AUTS2: variants seen among roughly 807,000 people sequenced by gnomAD.
The protein encoded by AUTS2 is autism susceptibility gene 2 protein.
AUTS2 carries 17 observed loss-of-function variants against 112.4 expected under a neutral mutation model. That is an observed-to-expected ratio of 0.15 (90% CI 0.10 to 0.23). AUTS2 has a LOEUF of 0.23. Ranked by LOEUF, AUTS2 falls within the 10% of genes least tolerant of loss-of-function variation. AUTS2 has a pLI of 1.00. For synonymous variants in AUTS2, 751 were observed against 702.7 expected, an observed-to-expected ratio of 1.07 and a Z score of -1.09; for missense variants, 1,510 against 1,701.6, an observed-to-expected ratio of 0.89 and a Z score of 1.98.
chr7:70,034,396 T>C (rs1424501901), intron 2 of AUTS2, among the ~76,000 whole-genome samples: 1 of 152,094 alleles, frequency 6.6e-6, no homozygotes, highest in African/African-American at 2.4e-5. Context: ...ACCTATTGCA[T>C]TGCACCTACT....
intron 4 of AUTS2, among the ~76,000 whole-genome samples, chr7:70,187,196 T>C (rs920024613): frequency 6.6e-6 from 1 of 152,208 alleles, no homozygotes; most frequent in Admixed American, 6.5e-5. Flanking sequence ...GTGAAGAGAT[T>C]CCCACTCTAT....
chr7:70,749,897 T>C (rs1788693664), intron 6 of AUTS2, among the ~76,000 whole-genome samples: 1 of 152,234 alleles, frequency 6.6e-6, no homozygotes, highest in Non-Finnish European at 1.5e-5. Flanking sequence ...TTAGGATATT[T>C]GATAAAGCTC....
chr7:70,191,229 G>A (rs570377296), intron 4 of AUTS2, among the ~76,000 whole-genome samples: 8 of 141,262 alleles, frequency 5.7e-5, no homozygotes, highest in African/African-American at 1.1e-4. Flanking sequence ...GTGCAGTGGC[G>A]CAATCTCGGC....
chr7:70,272,768 G>A (rs1787755242), intron 4 of AUTS2, among the ~76,000 whole-genome samples: 2 of 152,090 alleles, frequency 1.3e-5, no homozygotes, highest in South Asian at 4.2e-4. Context: ...AATTCTTAGG[G>A]AGGACTGAGC....
intron 5 of AUTS2, among the ~76,000 whole-genome samples, chr7:70,676,317 AACT>A (rs1807909708): frequency 6.6e-6 from 1 of 151,736 alleles, no homozygotes; most frequent in Non-Finnish European, 1.5e-5. Context: ...CTGTAGCCCC[AACT>A]ACTGAGGAGG....
intron 5 of AUTS2, among the ~76,000 whole-genome samples, chr7:70,520,681 C>A (rs906111955): frequency 6.6e-6 from 1 of 152,196 alleles, no homozygotes; most frequent in Non-Finnish European, 1.5e-5. Flanking sequence ...CATGTGAGCA[C>A]CGTGGAGACC....
intron 1 of AUTS2, among the ~76,000 whole-genome samples, chr7:69,846,733 C>G (rs571079034): frequency 6.6e-6 from 1 of 152,132 alleles, no homozygotes; most frequent in Non-Finnish European, 1.5e-5. Flanking sequence ...GCCACCATGT[C>G]CAGCTAATTT....
intron 2 of AUTS2, among the ~76,000 whole-genome samples, chr7:69,903,733 T>A (rs1170031457): frequency 6.6e-6 from 1 of 152,216 alleles, no homozygotes; most frequent in African/African-American, 2.4e-5. Context: ...CTGTTGAGAT[T>A]GCTTTAGTCA....
chr7:69,755,402 G>A (rs1562861095), intron 1 of AUTS2, among the ~76,000 whole-genome samples: 1 of 152,168 alleles, frequency 6.6e-6, no homozygotes, highest in Non-Finnish European at 1.5e-5. Context: ...TCTTTATTAA[G>A]CATACAGATT....
At position 70,244,368 on chromosome 7, in the gene AUTS2, A is replaced by G. The variant is rs578187606; in HGVS notation, c.660+109797A>G. Among the ~76,000 whole-genome samples the G allele has an allele frequency of 7.2e-5, 11 of 152,336 alleles. No homozygotes were observed. The South Asian group carries it at 2.1e-3, about 29-fold the overall frequency. ...TAAAACTTAAGTTAGAGAGGCATTT[A>G]TAGCATTAGATAATGCCAGCCAGGA... On this transcript the variant is annotated intron_variant, in intron 4 of 18. Transcript: ENST00000342771.
chr7:69,679,098 G>A (rs1796689809), intron 1 of AUTS2, among the ~76,000 whole-genome samples: 6 of 152,214 alleles, frequency 3.9e-5, no homozygotes, highest in Admixed American at 3.3e-4. Context: ...ATATTATCAG[G>A]TGTTGGATTT....
intron 2 of AUTS2, among the ~76,000 whole-genome samples, chr7:69,912,632 C>G (rs574787042): frequency 2.8e-4 from 42 of 152,236 alleles, no homozygotes; most frequent in African/African-American, 9.4e-4. Context: ...GTCATTCTGC[C>G]CCTGCTCTTC....
chr7:70,168,103 G>A (rs2129578253), intron 4 of AUTS2, among the ~76,000 whole-genome samples: 1 of 152,290 alleles, frequency 6.6e-6, no homozygotes, highest in Admixed American at 6.5e-5. Flanking sequence ...TACACTTGAA[G>A]CTTTCTGATA....
intron 4 of AUTS2, among the ~76,000 whole-genome samples, chr7:70,430,994 C>T (rs1795639696): frequency 6.6e-6 from 1 of 152,016 alleles, no homozygotes. Context: ...CGCCAGCACG[C>T]CCAGCTAATT....
At chr7:70,148,701 T>C (rs902663835) in intron 4 of AUTS2, among the ~76,000 whole-genome samples, 1 of 152,028 alleles carries the variant, frequency 6.6e-6, no homozygotes, top group Non-Finnish European at 1.5e-5. Flanking sequence ...ACTGTGTTAC[T>C]GAATGCATAA....
intron 1 of AUTS2, among the ~76,000 whole-genome samples, chr7:69,620,693 C>G (rs1047098536): frequency 1.3e-4 from 20 of 152,190 alleles, no homozygotes; most frequent in African/African-American, 4.8e-4. Flanking sequence ...TATGTTGTTT[C>G]ACTAGCTTTT....
intron 1 of AUTS2, among the ~76,000 whole-genome samples, chr7:69,724,588 G>A (rs769956661): frequency 6.6e-6 from 1 of 152,184 alleles, no homozygotes; most frequent in Non-Finnish European, 1.5e-5. Flanking sequence ...AGGATTCAAG[G>A]TTACAGAATT....
At chr7:69,714,122 A>G (rs1022219324) in intron 1 of AUTS2, among the ~76,000 whole-genome samples, 1 of 151,456 alleles carries the variant, frequency 6.6e-6, no homozygotes, top group Non-Finnish European at 1.5e-5. Context: ...GTGCAGTGGT[A>G]TGATCACAGC....
At chr7:70,728,479 C>T (rs898494509) in intron 6 of AUTS2, among the ~76,000 whole-genome samples, 5 of 151,964 alleles carry the variant, frequency 3.3e-5, no homozygotes, top group Admixed American at 1.3e-4. Context: ...GAGGCCGACA[C>T]GGGTGGGTCA....
Sources: allele counts gnomAD v4.1 joint callset (sites outside exome capture counted in the v4.1 genomes callset), GRCh38; gene constraint gnomAD v4.1.1; transcripts MANE v1.5; gene names NCBI Gene and HGNC (gene_info 2026-07-23, HGNC 2026-07-21).